LINGO2: variants seen among roughly 807,000 people sequenced by gnomAD.
The protein encoded by LINGO2 is leucine rich repeat and Ig domain containing 2, also known as leucine-rich repeat and immunoglobulin-like domain-containing nogo receptor-interacting protein 2.
Under a neutral mutation model 30.6 loss-of-function variants are expected in LINGO2, and 14 were observed. The observed-to-expected ratio is 0.46, with a 90% CI of 0.30 to 0.72. The LOEUF (loss-of-function observed/expected upper bound fraction) is 0.72, where lower values mean the gene tolerates loss of function less well. Ranked by LOEUF, LINGO2 falls within the 30% of genes least tolerant of loss-of-function variation. LINGO2 has a pLI of 0.07. For synonymous variants in LINGO2, 317 were observed against 288.5 expected (o/e 1.10, Z -1.00); for missense variants, 729 against 751.7 (o/e 0.97, Z 0.35).
At chr9:28,200,033 G>A (rs1820172613) in intron 4 of LINGO2, among the ~76,000 whole-genome samples, 1 of 147,020 alleles carries the variant, frequency 6.8e-6, no homozygotes, top group Non-Finnish European at 1.5e-5. Context: ...TGGAAAAATG[G>A]AAGCTAATTA....
chr9:28,979,101 C>G, the LINGO2 span, among the ~76,000 whole-genome samples: 1 of 151,930 alleles, frequency 6.6e-6, no homozygotes, highest in Non-Finnish European at 1.5e-5. Flanking sequence ...TTTTTTATCT[C>G]TTCCTTTCTG....
intron 1 of LINGO2, among the ~76,000 whole-genome samples, chr9:28,622,649 A>C (rs1826457619): frequency 6.6e-6 from 1 of 152,084 alleles, no homozygotes; most frequent in Admixed American, 6.6e-5. Context: ...ACAGTGCTGC[A>C]ACAAACACAG....
At chr9:28,590,681 G>A (rs1233436533) in intron 1 of LINGO2, among the ~76,000 whole-genome samples, 6 of 152,126 alleles carry the variant, frequency 3.9e-5, no homozygotes, top group African/African-American at 1.4e-4. Flanking sequence ...AGGATGTGGA[G>A]AAATAGGAAC....
chr9:28,834,384 C>A, the LINGO2 span, among the ~76,000 whole-genome samples: 1 of 152,010 alleles, frequency 6.6e-6, no homozygotes, highest in African/African-American at 2.4e-5. Context: ...CATAGAGATG[C>A]CAGGAAGATT....
the LINGO2 span, among the ~76,000 whole-genome samples, chr9:28,793,024 A>G: frequency 6.6e-6 from 1 of 152,262 alleles, no homozygotes; most frequent in South Asian, 2.1e-4. Flanking sequence ...ACCAGTACTA[A>G]AGATACACAC....
In LINGO2 at chr9:28,177,307, G is replaced by A. The variant is rs1202434999; in HGVS notation, c.-87+117901C>T. 2.6e-5 allele frequency among the ~76,000 whole-genome samples: 4 copies of A among 152,192 alleles called. No individual in the cohort carries two copies. In the South Asian group the frequency reaches 8.3e-4, roughly 32 times the overall value. On this transcript the variant is annotated intron_variant, in intron 4 of 5. Coordinates refer to ENST00000379992, the Ensembl canonical transcript of LINGO2. ...TGTCCAACAGGGCTTACAAAAATGG[G>A]TCTCATTTGGAACTGGCCAAAGTTC...
At chr9:28,729,902 T>C in the LINGO2 span, among the ~76,000 whole-genome samples, 1 of 152,038 alleles carries the variant, frequency 6.6e-6, no homozygotes, top group Non-Finnish European at 1.5e-5. Context: ...TGTGAAATTT[T>C]AGAGCATTTA....
intron 4 of LINGO2, among the ~76,000 whole-genome samples, chr9:28,061,494 C>A (rs35907645): frequency 0.023 from 3,494 of 151,864 alleles, 61 homozygotes; most frequent in Middle Eastern, 0.037. Context: ...TCATTCATCA[C>A]CAGATTCTTT....
intron 1 of LINGO2, among the ~76,000 whole-genome samples, chr9:28,544,485 C>T (rs1222991127): frequency 6.6e-6 from 1 of 152,078 alleles, no homozygotes; most frequent in African/African-American, 2.4e-5. Context: ...GTTGATTACT[C>T]ACTCATGTTC....
chr9:29,134,162 A>C, the LINGO2 span, among the ~76,000 whole-genome samples: 1 of 152,140 alleles, frequency 6.6e-6, no homozygotes. Flanking sequence ...AATCTGTCCA[A>C]GTCTGTAAAA....
At chr9:28,873,437 C>G in the LINGO2 span, among the ~76,000 whole-genome samples, 1 of 150,710 alleles carries the variant, frequency 6.6e-6, no homozygotes, top group Admixed American at 6.6e-5. Flanking sequence ...TTACAACTAC[C>G]AAGCCACTGT....
chr9:28,380,345 G>T lies in LINGO2; in HGVS notation c.-278-7477C>A, dbSNP rs145638397. The stretch of plus-strand genomic sequence containing the variant: ...CGCAAGCTAGGTGACCATTAATAGA[G>T]GACATCGTAGAGGGGAGTAAATCAT... On this transcript the variant is annotated intron_variant, in intron 2 of 5. Transcript: ENST00000379992. Among the ~76,000 whole-genome samples, 151 of 150,742 alleles carry T rather than the reference G, an allele frequency of 1.0e-3. 1 individual carries two copies. Among genetic ancestry groups the T allele is most frequent in the African/African-American group, 3.4e-3 (141 of 41,124 alleles).
intron 2 of LINGO2, among the ~76,000 whole-genome samples, chr9:28,457,305 G>A (rs1026579647): frequency 4.6e-5 from 7 of 152,132 alleles, no homozygotes; most frequent in African/African-American, 1.4e-4. Flanking sequence ...TTTCAAACAG[G>A]ACTGAAATGC....
the LINGO2 span, among the ~76,000 whole-genome samples, chr9:28,979,409 G>A: frequency 4.7e-4 from 72 of 151,878 alleles, no homozygotes; most frequent in African/African-American, 1.6e-3. Context: ...GCTGATGCTG[G>A]GTTAACAAAA....
At chr9:28,294,451 G>C (rs1823852546) in intron 4 of LINGO2, among the ~76,000 whole-genome samples, 1 of 152,170 alleles carries the variant, frequency 6.6e-6, no homozygotes, top group Non-Finnish European at 1.5e-5. Flanking sequence ...AATTTCGACA[G>C]TCTTAGAGTC....
intron 1 of LINGO2, among the ~76,000 whole-genome samples, chr9:28,530,239 A>G (rs2135426119): frequency 6.6e-6 from 1 of 152,196 alleles, no homozygotes. Flanking sequence ...GATGATGATG[A>G]CAACGAAGAT....
chr9:28,958,493 C>T, the LINGO2 span, among the ~76,000 whole-genome samples: 9 of 151,904 alleles, frequency 5.9e-5, no homozygotes, highest in Admixed American at 2.0e-4. Flanking sequence ...GGGGTGCTGA[C>T]ACTTTTTTAG....
At chr9:28,671,057 G>A (rs1198530944), upstream of LINGO2, among the ~76,000 whole-genome samples, 2 of 152,038 alleles carry the variant, frequency 1.3e-5, no homozygotes, top group African/African-American at 4.8e-5. Context: ...TGAGTATTTT[G>A]TTGCTGCATA....
chr9:28,320,301 T>A (rs1431240186), intron 3 of LINGO2, among the ~76,000 whole-genome samples: 1 of 152,168 alleles, frequency 6.6e-6, no homozygotes. Flanking sequence ...TCCAGTCCAC[T>A]ACTCTTATCA....
Sources: allele counts gnomAD v4.1 joint callset (sites outside exome capture counted in the v4.1 genomes callset), GRCh38; gene constraint gnomAD v4.1.1; transcripts MANE v1.5; gene names NCBI Gene and HGNC (gene_info 2026-07-23, HGNC 2026-07-21).